Variants in PRKCA observed in about 807,000 individuals in gnomAD.
The protein encoded by PRKCA is protein kinase C alpha.
A neutral mutation model predicts 87.0 loss-of-function variants in PRKCA; 27 were observed. That is an observed-to-expected ratio of 0.31 (90% CI 0.23 to 0.43). The LOEUF is 0.43. Among genes scored for constraint, PRKCA ranks in the 20% least tolerant of loss-of-function variants. PRKCA has a pLI of 1.00. For missense variants in PRKCA, 518 were observed against 852.3 expected, an observed-to-expected ratio of 0.61 and a Z score of 4.88; for synonymous variants, 329 against 311.1, an observed-to-expected ratio of 1.06 and a Z score of -0.61.
chr17:66,616,829 G>A (rs957548850), intron 3 of PRKCA, among the ~76,000 whole-genome samples: 1 of 152,016 alleles, frequency 6.6e-6, no homozygotes, highest in East Asian at 1.9e-4. Flanking sequence ...AGGAGGCACA[G>A]AGGAGGGAGA....
chr17:66,511,912 C>G (rs1917250450), intron 3 of PRKCA, among the ~76,000 whole-genome samples: 1 of 151,988 alleles, frequency 6.6e-6, no homozygotes, highest in Non-Finnish European at 1.5e-5. Context: ...AACTCCTGAT[C>G]TCGGGTGTTC....
intron 2 of PRKCA, among the ~76,000 whole-genome samples, chr17:66,456,661 G>A (rs1482890800): frequency 6.6e-6 from 1 of 152,126 alleles, no homozygotes; most frequent in African/African-American, 2.4e-5. Context: ...AGATTATTTG[G>A]GGACTGACTG....
chr17:66,765,117 A>G (rs1974768469), intron 13 of PRKCA, among the ~76,000 whole-genome samples: 1 of 152,172 alleles, frequency 6.6e-6, no homozygotes, highest in Non-Finnish European at 1.5e-5. Flanking sequence ...TTTATTAATA[A>G]AAACATTTAA....
chr17:66,373,799 A>G (rs984670318), intron 2 of PRKCA, among the ~76,000 whole-genome samples: 1 of 152,210 alleles, frequency 6.6e-6, no homozygotes, highest in African/African-American at 2.4e-5. Context: ...AAAATCGGGT[A>G]GATTACCTCT....
intron 3 of PRKCA, among the ~76,000 whole-genome samples, chr17:66,631,325 G>A (rs956029982): frequency 3.9e-5 from 6 of 152,114 alleles, no homozygotes; most frequent in African/African-American, 1.4e-4. Context: ...AAATTGATAG[G>A]TACCTAGGAA....
intron 3 of PRKCA, among the ~76,000 whole-genome samples, chr17:66,503,582 T>C (rs1598726183): frequency 6.6e-6 from 1 of 152,180 alleles, no homozygotes; most frequent in Non-Finnish European, 1.5e-5. Context: ...TTGCACAAAT[T>C]GCTACAAACC....
chr17:66,378,469 G>A (rs1909600924), intron 2 of PRKCA, among the ~76,000 whole-genome samples: 1 of 151,978 alleles, frequency 6.6e-6, no homozygotes, highest in South Asian at 2.1e-4. Flanking sequence ...ATCTACTTTG[G>A]AACATTTTTG....
chr17:66,428,568 A>G (rs1323902853), intron 2 of PRKCA, among the ~76,000 whole-genome samples: 1 of 151,482 alleles, frequency 6.6e-6, no homozygotes, highest in East Asian at 1.9e-4. Flanking sequence ...CAGTGGCACA[A>G]TCTTGGCTCA....
At chr17:66,795,219 G>T (rs1026737191) in intron 16 of PRKCA, among the ~76,000 whole-genome samples, 1 of 152,132 alleles carries the variant, frequency 6.6e-6, no homozygotes, top group Non-Finnish European at 1.5e-5. Flanking sequence ...GCAGGTAAAA[G>T]GAGGAGGGAG....
At position 66,802,481 on chromosome 17, in the gene PRKCA, C is replaced by T. The variant is rs111282658; in HGVS notation, c.1855-1392C>T. On this transcript the variant is annotated intron_variant, in intron 16 of 16. Transcript: ENST00000413366. The stretch of plus-strand genomic sequence containing the variant: ...CAGAGGTTACAGTGAGCCGAGGTCA[C>T]GCCACTGCACTCTAGTCTGGGCGAC... 9.9e-5 allele frequency among the ~76,000 whole-genome samples: 15 copies of T among 151,732 alleles called. 1 individual carries two copies. The highest frequency in any genetic ancestry group is 3.4e-4 in the African/African-American group (14 of 41,338).
intron 3 of PRKCA, among the ~76,000 whole-genome samples, chr17:66,612,397 A>T (rs933321394): frequency 2.0e-5 from 3 of 151,100 alleles, no homozygotes; most frequent in Non-Finnish European, 4.4e-5. Flanking sequence ...AAAAAAAAAA[A>T]AAAAGACTGG....
At chr17:66,459,027 A>G (rs1203913550) in intron 2 of PRKCA, among the ~76,000 whole-genome samples, 1 of 152,064 alleles carries the variant, frequency 6.6e-6, no homozygotes, top group Non-Finnish European at 1.5e-5. Context: ...GAAGTAATGG[A>G]GTTGGGATTT....
intron 3 of PRKCA, among the ~76,000 whole-genome samples, chr17:66,584,361 A>G (rs1054077144): frequency 6.6e-6 from 1 of 152,010 alleles, no homozygotes; most frequent in Admixed American, 6.6e-5. Flanking sequence ...AGCTGGGACT[A>G]GAGGTGCCCG....
At chr17:66,528,305 G>A (rs530630211) in intron 3 of PRKCA, among the ~76,000 whole-genome samples, 105 of 151,970 alleles carry the variant, frequency 6.9e-4, no homozygotes, top group Non-Finnish European at 1.3e-3. Context: ...TGTACATGTG[G>A]TAGATAGAAT....
At chr17:66,519,145 C>T (rs916340100) in intron 3 of PRKCA, among the ~76,000 whole-genome samples, 4 of 151,986 alleles carry the variant, frequency 2.6e-5, no homozygotes, top group Non-Finnish European at 5.9e-5. Context: ...TGGGGCCGTC[C>T]GTTGTTAGGT....
At chr17:66,765,815 A>G (rs1277469674) in intron 13 of PRKCA, among the ~76,000 whole-genome samples, 1 of 152,038 alleles carries the variant, frequency 6.6e-6, no homozygotes, top group Non-Finnish European at 1.5e-5. Context: ...TCCCTTTTAC[A>G]GTGAGGCTTT....
At chr17:66,366,196 G>A (rs1164226814) in intron 2 of PRKCA, among the ~76,000 whole-genome samples, 1 of 152,002 alleles carries the variant, frequency 6.6e-6, no homozygotes, top group Non-Finnish European at 1.5e-5. Context: ...GTCAACACAG[G>A]CGATCTTTTT....
chr17:66,761,390 G>T (rs1427058537), intron 13 of PRKCA, among the ~76,000 whole-genome samples: 1 of 150,894 alleles, frequency 6.6e-6, no homozygotes, highest in East Asian at 2.0e-4. Context: ...AAGATACATA[G>T]TTTGGACTCT....
intron 2 of PRKCA, among the ~76,000 whole-genome samples, chr17:66,393,760 G>T (rs898167372): frequency 1.3e-5 from 2 of 152,060 alleles, no homozygotes; most frequent in African/African-American, 2.4e-5. Context: ...CTCCCTGAGG[G>T]TGAGGGTTGG....
Sources: gnomAD v4.1 joint callset for allele counts (sites outside exome capture counted in the v4.1 genomes callset) on GRCh38, gnomAD v4.1.1 for gene constraint, MANE v1.5 for transcripts, NCBI Gene and HGNC (gene_info 2026-07-23, HGNC 2026-07-21) for gene names.